The following NGLY1 variants were observed in gnomAD, a reference collection of about 807,000 sequenced individuals.
NGLY1 encodes the protein peptide-N(4)-(N-acetyl-beta-glucosaminyl)asparagine amidase.
NGLY1 carries 68 observed loss-of-function variants against 84.6 expected under a neutral mutation model. That is an observed-to-expected ratio of 0.80 (90% CI 0.66 to 0.98). The LOEUF is 0.98. NGLY1 is among the 50% of genes least tolerant of loss of function. The pLI is 0.00. For synonymous variants in NGLY1, 280 were observed against 275.2 expected, an observed-to-expected ratio of 1.02 and a Z score of -0.17; for missense variants, 779 against 770.2, an observed-to-expected ratio of 1.01 and a Z score of -0.14.
chr3:25,766,411 T>G (rs1184284082), intron 2 of NGLY1, among the ~76,000 whole-genome samples: 1 of 152,150 alleles, frequency 6.6e-6, no homozygotes, highest in Non-Finnish European at 1.5e-5. Flanking sequence ...TTAACCTGCT[T>G]GAAGCCACAG....
intron 4 of NGLY1, among the ~76,000 whole-genome samples, chr3:25,748,511 C>T (rs530469872): frequency 6.6e-6 from 1 of 152,300 alleles, no homozygotes; most frequent in African/African-American, 2.4e-5. Context: ...TACCTCAGTT[C>T]CTATTATCCA....
chr3:25,755,697 T>C, intron 3 of NGLY1: 1 of 1,367,686 alleles, frequency 7.3e-7, no homozygotes. Flanking sequence ...TAGTCTAGTC[T>C]AGATGCATTT....
chr3:25,764,624 A>T lies in NGLY1; in HGVS notation c.247-313T>A, dbSNP rs557323411. Among the ~76,000 whole-genome samples the T allele has an allele frequency of 2.6e-5, 4 of 151,446 alleles. No homozygotes were observed. The South Asian group carries it at 8.3e-4, about 31-fold the overall frequency. On this transcript the variant is annotated intron_variant, in intron 2 of 11. Coordinates refer to ENST00000280700, the MANE Select transcript of NGLY1 (RefSeq NM_018297.4). ...AAACAATAAGTCAGAAGGCCTCATAAGGGTTGCAAAAATGCATATTCCTAT... is the reference window on the plus strand; with the variant it reads ...AAACAATAAGTCAGAAGGCCTCATATGGGTTGCAAAAATGCATATTCCTAT...
chr3:25,720,289 T>A, intron 10 of NGLY1, 98 bp from the exon 11 acceptor site: 1 of 905,932 alleles, frequency 1.1e-6, no homozygotes, highest in South Asian at 2.4e-5. Flanking sequence ...CAGGGTAGTA[T>A]GTACAAGTGG....
At chr3:25,743,766 GAAGA>G (rs1224148567) in intron 4 of NGLY1, among the ~76,000 whole-genome samples, 3 of 152,106 alleles carry the variant, frequency 2.0e-5, no homozygotes, top group Non-Finnish European at 2.9e-5. Context: ...TCAAGACCAA[GAAGA>G]AAGGAAAGGA....
Position 25,781,289 on chromosome 3 carries a change from A to C in NGLY1, c.131+1971T>G, listed in dbSNP as rs113192351. 9.4e-3 allele frequency among the ~76,000 whole-genome samples: 1,431 copies of C among 152,188 alleles called. 18 individuals carry two copies. The highest frequency in any genetic ancestry group is 0.033 in the African/African-American group (1,370 of 41,496). On this transcript the variant is annotated intron_variant, in intron 1 of 11. Transcript: ENST00000280700. ...TTATATCATCTCTGGACCTCACATTAATCTATTTTTCTCAGTAAAAGTATA... is the reference window on the plus strand; with the variant it reads ...TTATATCATCTCTGGACCTCACATTCATCTATTTTTCTCAGTAAAAGTATA...
intron 3 of NGLY1, among the ~76,000 whole-genome samples, chr3:25,760,907 A>G (rs1707293167): frequency 8.5e-6 from 1 of 117,324 alleles, no homozygotes; most frequent in Admixed American, 1.0e-4. Context: ...AAAAAAAAAA[A>G]AAAAAAAAAA....
chr3:25,752,151 A>G (rs1575636209), intron 3 of NGLY1, among the ~76,000 whole-genome samples: 1 of 152,236 alleles, frequency 6.6e-6, no homozygotes, highest in African/African-American at 2.4e-5. Context: ...AAAACTTTAA[A>G]AAGTTTCAAT....
In NGLY1 at chr3:25,736,514, G is replaced by C. The variant is rs1705834303; in HGVS notation, c.1004-365C>G. 4 of 726,818 alleles carry C rather than the reference G, an allele frequency of 5.5e-6. No individual in the cohort carries two copies. The East Asian group carries it at 1.1e-4, about 20-fold the overall frequency. 45.0% of individuals were successfully genotyped at this position (726,818 alleles called of 1,614,324 possible). A position where few individuals can be genotyped will look rare whatever the true frequency, so the allele number is the denominator to read the frequency against. On this transcript the variant is annotated intron_variant, in intron 6 of 11. Coordinates refer to ENST00000280700, the MANE Select transcript of NGLY1 (RefSeq NM_018297.4). ...ACAGTCTCTCTCTCTGGACTTTAAGGCCCAGAACCAGCAGGAAGTCTAATA... is the reference window on the plus strand; with the variant it reads ...ACAGTCTCTCTCTCTGGACTTTAAGCCCCAGAACCAGCAGGAAGTCTAATA...
intron 6 of NGLY1, 170 bp downstream of exon 6, chr3:25,737,164 A>G (rs563077367): frequency 8.2e-5 from 44 of 538,508 alleles, no homozygotes; most frequent in Middle Eastern, 2.8e-4. Context: ...AACTCTTGTG[A>G]TCCCTTCAAA....
intron 9 of NGLY1, 41 bp from the exon 10 acceptor site, chr3:25,729,359 GATGT>G: frequency 8.1e-7 from 1 of 1,234,372 alleles, no homozygotes; most frequent in South Asian, 2.9e-5. Flanking sequence ...CATTATGAAA[GATGT>G]AAAAAAGAAA....
chr3:25,782,867 G>A (rs1341235042), intron 1 of NGLY1: 1 of 193,770 alleles, frequency 5.2e-6, no homozygotes, highest in African/African-American at 2.4e-5. Context: ...TGCACGCAGG[G>A]GGAATGACAC....
intron 2 of NGLY1, among the ~76,000 whole-genome samples, chr3:25,766,085 G>A (rs767204218): frequency 6.0e-5 from 9 of 149,594 alleles, no homozygotes; most frequent in Non-Finnish European, 8.9e-5. Context: ...TTTTTTTGGA[G>A]ACAGAGTTTT....
At chr3:25,748,937 A>C (rs1706581461) in intron 4 of NGLY1, among the ~76,000 whole-genome samples, 1 of 152,238 alleles carries the variant, frequency 6.6e-6, no homozygotes, top group South Asian at 2.1e-4. Context: ...TGTTCAAAAG[A>C]CTTGAATAAA....
At chr3:25,740,684 G>GA (rs1015212975) in intron 4 of NGLY1, among the ~76,000 whole-genome samples, 9 of 149,030 alleles carry the variant, frequency 6.0e-5, no homozygotes, top group South Asian at 2.1e-4. Flanking sequence ...AAAAACTACA[G>GA]AAAAAAAAAC....
intron 1 of NGLY1, among the ~76,000 whole-genome samples, chr3:25,779,297 C>T (rs148390671): frequency 6.6e-6 from 1 of 152,098 alleles, no homozygotes; most frequent in African/African-American, 2.4e-5. Context: ...ATTTCTTTTA[C>T]CATAATTAAG....
chr3:25,787,058 T>C (rs1265210369), upstream of NGLY1, among the ~76,000 whole-genome samples: 4 of 152,230 alleles, frequency 2.6e-5, no homozygotes, highest in Non-Finnish European at 2.9e-5. Flanking sequence ...AAACAAATTC[T>C]GAAGCTCCAC....
Position 25,720,468 on chromosome 3 carries a change from T to A in NGLY1, c.1612-277A>T, listed in dbSNP as rs2932016. Reference sequence around the variant, plus strand: ...TGCATTCTAACCAAATTTTGGTAAATCATCTTCTTTTATATTAAGAAGTTC... The same window carrying A: ...TGCATTCTAACCAAATTTTGGTAAAACATCTTCTTTTATATTAAGAAGTTC... On this transcript the variant is annotated intron_variant, in intron 10 of 11. Coordinates refer to ENST00000280700, the MANE Select transcript of NGLY1 (RefSeq NM_018297.4). Among the ~76,000 whole-genome samples, 99,128 of 152,086 alleles carry A rather than the reference T, an allele frequency of 0.65. 38,082 individuals carry two copies. The highest frequency in any genetic ancestry group is 0.88 in the East Asian group (4,577 of 5,174).
intron 4 of NGLY1, among the ~76,000 whole-genome samples, chr3:25,746,727 GGTT>G (rs1420807522): frequency 3.3e-5 from 5 of 152,170 alleles, no homozygotes; most frequent in African/African-American, 4.8e-5. Flanking sequence ...GCAATTTCCT[GGTT>G]GTTATTTGCC....
Sources: gnomAD v4.1 joint callset for allele counts (sites outside exome capture counted in the v4.1 genomes callset) on GRCh38, gnomAD v4.1.1 for gene constraint, MANE v1.5 for transcripts, NCBI Gene and HGNC (gene_info 2026-07-23, HGNC 2026-07-21) for gene names.